The following UNC13A variants were observed in gnomAD, a reference collection of about 807,000 sequenced individuals.
UNC13A encodes unc-13 homolog A, also known as protein unc-13 homolog A.
In UNC13A, 61 loss-of-function variants were observed where a neutral mutation model predicts 219.7. The ratio of observed to expected loss-of-function variants is 0.28; its 90% confidence interval spans 0.23 to 0.34. The LOEUF (loss-of-function observed/expected upper bound fraction) is 0.34, where lower values mean the gene tolerates loss of function less well. Ranked by LOEUF, UNC13A falls within the 10% of genes least tolerant of loss-of-function variation. The probability of loss-of-function intolerance (pLI) is 1.00; values close to 1 mark genes in which losing one functional copy is unlikely to be tolerated. For synonymous variants in UNC13A, 920 were observed against 884.6 expected (o/e 1.04, Z -0.71); for missense variants, 1,476 against 2,270.3 (o/e 0.65, Z 7.11).
intron 19 of UNC13A, among the ~76,000 whole-genome samples, chr19:17,644,651 C>T (rs1038286803): frequency 2.0e-5 from 3 of 150,666 alleles, no homozygotes; most frequent in Non-Finnish European, 4.4e-5. Flanking sequence ...CTGCCTCAGC[C>T]GTCCCAAACT....
intron 7 of UNC13A, 55 bp downstream of exon 7, chr19:17,666,595 A>C: frequency 7.5e-7 from 1 of 1,337,306 alleles, no homozygotes; most frequent in African/African-American, 1.5e-5. Flanking sequence ...GTCATGGGGT[A>C]GGGGAGGGAT....
At chr19:17,630,901 C>T (rs1038857762) in intron 28 of UNC13A, among the ~76,000 whole-genome samples, 151 bp from the exon 29 acceptor site, 7 of 152,104 alleles carry the variant, frequency 4.6e-5, no homozygotes, top group African/African-American at 1.2e-4. Context: ...CTCCTCTGCT[C>T]GCCTCCTGCA....
intron 12 of UNC13A, among the ~76,000 whole-genome samples, chr19:17,652,322 G>C (rs2079363655): frequency 6.6e-6 from 1 of 152,110 alleles, no homozygotes; most frequent in African/African-American, 2.4e-5. Context: ...AGTAGAGACA[G>C]GGTTTCACCA....
chr19:17,669,948 CTTTTT>C (rs60439472), intron 4 of UNC13A, among the ~76,000 whole-genome samples: 1 of 107,180 alleles, frequency 9.3e-6, no homozygotes, highest in Non-Finnish European at 1.9e-5. Flanking sequence ...CTTTTCTTTT[CTTTTT>C]TTTTTTTTTT....
intron 1 of UNC13A, among the ~76,000 whole-genome samples, chr19:17,680,089 G>A (rs576876188): frequency 6.6e-6 from 1 of 151,952 alleles, no homozygotes; most frequent in African/African-American, 2.4e-5. Context: ...GTGGCGAGGG[G>A]GTTCTCAGGA....
At chr19:17,630,783 C>T in intron 28 of UNC13A, 33 bp from the exon 29 acceptor site, 1 of 1,594,436 alleles carries the variant, frequency 6.3e-7, no homozygotes, top group South Asian at 1.1e-5. Context: ...GGCTCTGCCA[C>T]CTCTTGTCCT....
chr19:17,683,484 C>A (rs1238719354), intron 1 of UNC13A, among the ~76,000 whole-genome samples: 1 of 151,134 alleles, frequency 6.6e-6, no homozygotes, highest in African/African-American at 2.4e-5. Context: ...GATGAGAAAC[C>A]CCATCTCTAC....
intron 5 of UNC13A, among the ~76,000 whole-genome samples, chr19:17,669,209 T>C (rs1485404700): frequency 6.6e-6 from 1 of 152,174 alleles, no homozygotes. Context: ...TCTCTCTTTG[T>C]CTCTCTGTCT....
At position 17,617,811 on chromosome 19, in the gene UNC13A, G is replaced by A. The variant is rs767060906; in HGVS notation, c.4449C>T (p.Thr1483=). The A allele has an allele frequency of 7.4e-5, 119 of 1,613,832 alleles. No individual in the cohort carries two copies. The highest frequency in any genetic ancestry group is 1.6e-4 in the Middle Eastern group (1 of 6,082). ...GCAGGTCCGGGCTCTTCTCCAGGAA[G>A]GTCTTCTTGAGGCCCACGCCACCCG... is the stretch of plus-strand genomic sequence containing the variant. ...FHAGGVGLKK[T]FLEKSPDLQS... is the part of the protein sequence containing the mutation. The change falls in exon 41 of 44, where the codon ACC becomes ACT. Residue 1483 remains threonine, a synonymous_variant. Coordinates refer to ENST00000519716, the MANE Select transcript of UNC13A (RefSeq NM_001080421.3).
chr19:17,657,465 C>T (rs1250531986), intron 9 of UNC13A, among the ~76,000 whole-genome samples: 6 of 152,178 alleles, frequency 3.9e-5, no homozygotes, highest in African/African-American at 1.4e-4. Context: ...GGATCGTGCT[C>T]AACGTCAACA....
chr19:17,628,350 C>A, intron 31 of UNC13A: 1 of 221,650 alleles, frequency 4.5e-6, no homozygotes, highest in Non-Finnish European at 9.1e-6. Context: ...GAGACCCCCC[C>A]CACAGATACA....
intron 8 of UNC13A, among the ~76,000 whole-genome samples, chr19:17,658,615 T>C (rs1230008919): frequency 6.6e-6 from 1 of 152,156 alleles, no homozygotes; most frequent in Non-Finnish European, 1.5e-5. Context: ...GGGATTTTTT[T>C]CCACTGAGCA....
intron 41 of UNC13A, among the ~76,000 whole-genome samples, chr19:17,615,404 G>C (rs1261681104): frequency 6.6e-6 from 1 of 151,758 alleles, no homozygotes; most frequent in Non-Finnish European, 1.5e-5. Context: ...CCAGGCGCTG[G>C]GATTACACCT....
rs752526385 is a variant in UNC13A, at chr19:17,648,594, C to A, written c.1653G>T (p.Thr551=). 15 of 1,613,608 alleles carry A rather than the reference C, an allele frequency of 9.3e-6. No homozygotes were observed. Among genetic ancestry groups the A allele is most frequent in the Middle Eastern group, 3.3e-4 (2 of 6,082 alleles). Residue 551 remains threonine (T), a synonymous_variant, in exon 16 of 44, where the codon ACG becomes ACT. Transcript: ENST00000519716. ...LQALIYPISC[T]TPHNFEVWTA... ...TCCACACTTCGAAGTTGTGTGGCGT[C>A]GTGCACGAGATGGGGTAGATTAAGG...
chr19:17,678,317 A>G (rs1856344714), intron 1 of UNC13A, among the ~76,000 whole-genome samples: 1 of 152,138 alleles, frequency 6.6e-6, no homozygotes, highest in African/African-American at 2.4e-5. Flanking sequence ...CGTCTCTCCT[A>G]AAATAACAAA....
chr19:17,632,750 G>A, intron 28 of UNC13A, 32 bp downstream of exon 28: 1 of 1,613,204 alleles, frequency 6.2e-7, no homozygotes, highest in South Asian at 1.1e-5. Context: ...CTACAGTTCT[G>A]GCTTGGGTTG....
intron 34 of UNC13A, among the ~76,000 whole-genome samples, chr19:17,626,011 A>G (rs1421543152): frequency 6.8e-6 from 1 of 148,068 alleles, no homozygotes; most frequent in African/African-American, 2.5e-5. Flanking sequence ...TTATTCATTC[A>G]TCCAAATATT....
In UNC13A at chr19:17,617,774, A is replaced by T. The variant is rs1340197638; in HGVS notation, c.4486T>A (p.Tyr1496Asn). The change falls in exon 41 of 44, where the codon TAT becomes AAT. Residue 1496 changes from tyrosine to asparagine, a missense_variant. Coordinates refer to ENST00000519716, the MANE Select transcript of UNC13A (RefSeq NM_001080421.3). ...EKSPDLQSLR[Y>N]ALSLYTQATD... ...GCCTGCGTGTAGAGCGACAGGGCAT[A>T]GCGCAAGGATTGCAGGTCCGGGCTC... 6.2e-7 allele frequency: 1 copy of T among 1,613,454 alleles called. No individual in the cohort carries two copies. The highest frequency in any genetic ancestry group is 1.7e-5 in the Admixed American group (1 of 59,990).
At chr19:17,647,011 C>A (rs35098701) in intron 17 of UNC13A, among the ~76,000 whole-genome samples, 62,039 of 152,110 alleles carry the variant, frequency 0.41, 13,070 homozygotes, top group African/African-American at 0.47. Flanking sequence ...ATAAACCATG[C>A]ACCCTCAATT....
Sources: allele counts gnomAD v4.1 joint callset (sites outside exome capture counted in the v4.1 genomes callset), GRCh38; gene constraint gnomAD v4.1.1; transcripts MANE v1.5; gene names NCBI Gene and HGNC (gene_info 2026-07-23, HGNC 2026-07-21).